Variants in ANK3 observed in about 807,000 individuals in gnomAD.
ANK3 encodes the protein ankyrin-3.
In ANK3, 57 loss-of-function variants were observed where a neutral mutation model predicts 370.9. That is an observed-to-expected ratio of 0.15 (90% confidence interval 0.12 to 0.19). The LOEUF (loss-of-function observed/expected upper bound fraction) is 0.19, where lower values mean the gene tolerates loss of function less well. Among genes scored for constraint, ANK3 ranks in the 10% least tolerant of loss-of-function variants. ANK3 has a pLI of 1.00. For synonymous variants in ANK3, 1,929 were observed against 1,946.3 expected, an observed-to-expected ratio of 0.99 and a Z score of 0.23; for missense variants, 4,439 against 5,302.1, an observed-to-expected ratio of 0.84 and a Z score of 5.06.
At chr10:60,099,073 C>CTTCA (rs1304939529) in intron 28 of ANK3, among the ~76,000 whole-genome samples, 1 of 151,998 alleles carries the variant, frequency 6.6e-6, no homozygotes, top group Non-Finnish European at 1.5e-5. Context: ...TGAACTCTAC[C>CTTCA]TTCAGTGTTG....
At chr10:60,232,916 G>A (rs2097268511) in intron 8 of ANK3, among the ~76,000 whole-genome samples, 1 of 152,192 alleles carries the variant, frequency 6.6e-6, no homozygotes, top group African/African-American at 2.4e-5. Context: ...AAATTAAGCT[G>A]AGGTTACCAG....
At chr10:60,275,744 G>A (rs1034662667) in intron 4 of ANK3, among the ~76,000 whole-genome samples, 1 of 152,050 alleles carries the variant, frequency 6.6e-6, no homozygotes, top group Admixed American at 6.6e-5. Flanking sequence ...CTTTGCAAAT[G>A]CCACTAGAAA....
At chr10:60,568,599 T>C (rs1038767661) in intron 2 of ANK3, among the ~76,000 whole-genome samples, 1 of 152,224 alleles carries the variant, frequency 6.6e-6, no homozygotes, top group Non-Finnish European at 1.5e-5. Flanking sequence ...CTCTCCCCTA[T>C]GTAGCATCTG....
intron 18 of ANK3, among the ~76,000 whole-genome samples, chr10:60,174,814 G>A (rs2095882057): frequency 6.6e-6 from 1 of 152,024 alleles, no homozygotes; most frequent in African/African-American, 2.4e-5. Flanking sequence ...ATGGCTCACT[G>A]CAGCCTCCCC....
chr10:60,200,537 G>C (rs1306085095), intron 12 of ANK3, among the ~76,000 whole-genome samples: 1 of 152,110 alleles, frequency 6.6e-6, no homozygotes, highest in Admixed American at 6.5e-5. Context: ...GGGGGTGAGT[G>C]AGTGCAGCTG....
intron 28 of ANK3, among the ~76,000 whole-genome samples, chr10:60,096,040 G>A (rs541040926): frequency 2.0e-5 from 3 of 152,010 alleles, no homozygotes; most frequent in Non-Finnish European, 4.4e-5. Context: ...CAGGTGTGTC[G>A]GTAGGTGCCT....
intron 2 of ANK3, among the ~76,000 whole-genome samples, chr10:60,468,868 T>A (rs2133072450): frequency 6.6e-6 from 1 of 151,160 alleles, no homozygotes; most frequent in East Asian, 1.9e-4. Context: ...ACTTGTCTTT[T>A]TAATATTCTA....
rs1802665 is a variant in ANK3 at position 60,028,865 on chromosome 10, T to G, written c.*981A>C. The G allele has an allele frequency of 0.11, 16,675 of 152,230 alleles. 1,019 individuals carry two copies. The highest frequency in any genetic ancestry group is 0.15 in the South Asian group (726 of 4,796). 9.4% of individuals were successfully genotyped at this position (152,230 alleles called of 1,614,324 possible). ...GCAACTACCGTATAGGTTATTTTTT[T>G]TTGTTGTTTTTAGGTCATTTCATTG... On this transcript the variant is annotated 3_prime_UTR_variant, in exon 44 of 44. Transcript: ENST00000280772.
At chr10:60,273,925 ACTT>A (rs2098042768) in intron 4 of ANK3, among the ~76,000 whole-genome samples, 1 of 152,174 alleles carries the variant, frequency 6.6e-6, no homozygotes, top group South Asian at 2.1e-4. Flanking sequence ...AGTCAATTAA[ACTT>A]CTTTCCTTTA....
chr10:60,579,411 T>A (rs1259531224), intron 2 of ANK3, among the ~76,000 whole-genome samples: 1 of 149,866 alleles, frequency 6.7e-6, no homozygotes, highest in African/African-American at 2.5e-5. Context: ...TAGGAGAAAT[T>A]ACAATGAAAG....
chr10:60,033,283 G>T (rs960744687), intron 43 of ANK3, among the ~76,000 whole-genome samples: 2 of 151,952 alleles, frequency 1.3e-5, no homozygotes, highest in Non-Finnish European at 2.9e-5. Context: ...GGGCAGGGGA[G>T]GGGGGCGGAT....
At chr10:60,641,012 A>G (rs2078625020) in intron 1 of ANK3, among the ~76,000 whole-genome samples, 1 of 148,760 alleles carries the variant, frequency 6.7e-6, no homozygotes, top group Admixed American at 6.8e-5. Context: ...CCAAATCAGG[A>G]GTGAACTCCC....
chr10:60,338,077 T>A (rs1408392435), intron 1 of ANK3, among the ~76,000 whole-genome samples: 1 of 152,182 alleles, frequency 6.6e-6, no homozygotes, highest in African/African-American at 2.4e-5. Flanking sequence ...AAGATGTACC[T>A]GTGTTCCTGT....
At chr10:60,140,273 A>G in intron 23 of ANK3, 1 of 1,423,286 alleles carries the variant, frequency 7.0e-7, no homozygotes, top group South Asian at 1.2e-5. Context: ...TTAAGTAACT[A>G]TTTACGGCTG....
At chr10:60,173,023 G>T (rs746271548) in intron 19 of ANK3, 25 bp from the exon 20 acceptor site, 1 of 1,607,196 alleles carries the variant, frequency 6.2e-7, no homozygotes, top group East Asian at 2.2e-5. Context: ...TGGAAGAGAT[G>T]ATTCTTAATT....
intron 9 of ANK3, among the ~76,000 whole-genome samples, chr10:60,212,242 G>T (rs776717706): frequency 6.6e-6 from 1 of 152,108 alleles, no homozygotes; most frequent in African/African-American, 2.4e-5. Flanking sequence ...GAGAACAATG[G>T]GGATTAATGG....
chr10:60,338,952 C>G (rs2053646591), intron 1 of ANK3, among the ~76,000 whole-genome samples: 1 of 151,998 alleles, frequency 6.6e-6, no homozygotes, highest in East Asian at 1.9e-4. Context: ...GTATTTGGGT[C>G]TGGAAGCCAT....
chr10:60,211,644 T>C (rs1001396595), intron 9 of ANK3, among the ~76,000 whole-genome samples: 1 of 152,042 alleles, frequency 6.6e-6, no homozygotes, highest in Non-Finnish European at 1.5e-5. Flanking sequence ...AGCACAAGAC[T>C]GGCAGCCTCT....
intron 21 of ANK3, among the ~76,000 whole-genome samples, chr10:60,167,782 C>T (rs998070335): frequency 6.6e-6 from 1 of 151,850 alleles, no homozygotes; most frequent in African/African-American, 2.4e-5. Context: ...AAAAAAGGTA[C>T]AAATTCATAG....
Sources: allele counts gnomAD v4.1 joint callset (sites outside exome capture counted in the v4.1 genomes callset), GRCh38; gene constraint gnomAD v4.1.1; transcripts MANE v1.5; gene names NCBI Gene and HGNC (gene_info 2026-07-23, HGNC 2026-07-21).